ESRRB: variants seen among roughly 807,000 people sequenced by gnomAD.
ESRRB encodes estrogen related receptor beta.
A neutral mutation model predicts 46.0 loss-of-function variants in ESRRB; 16 were observed. That is an observed-to-expected ratio of 0.35 (90% CI 0.24 to 0.53). ESRRB has a LOEUF of 0.53. Among genes scored for constraint, ESRRB ranks in the 20% least tolerant of loss-of-function variants. The pLI, the probability that ESRRB is intolerant of heterozygous loss-of-function variation, is 0.93. For synonymous variants in ESRRB, 246 were observed against 259.6 expected (o/e 0.95, Z 0.50); for missense variants, 488 against 607.4 (o/e 0.80, Z 2.07).
chr14:76,434,916 G>A (rs952417287), intron 1 of ESRRB, among the ~76,000 whole-genome samples: 3 of 151,712 alleles, frequency 2.0e-5, no homozygotes, highest in Non-Finnish European at 2.9e-5. Context: ...TCTGAGCTCC[G>A]GCCTTTTCCT....
chr14:76,332,774 ATT>A (rs1491576417), intron 1 of ESRRB, among the ~76,000 whole-genome samples: 2 of 13,790 alleles, frequency 1.5e-4, no homozygotes, highest in African/African-American at 5.8e-4. Context: ...TATAATATAT[ATT>A]ATATATTATA....
chr14:76,466,916 G>T (rs1189391306), intron 3 of ESRRB, among the ~76,000 whole-genome samples: 1 of 151,834 alleles, frequency 6.6e-6, no homozygotes, highest in African/African-American at 2.4e-5. Flanking sequence ...TAGAGATGGG[G>T]TTTCACCATG....
upstream of ESRRB, among the ~76,000 whole-genome samples, chr14:76,367,705 T>A (rs1884540018): frequency 6.6e-6 from 1 of 152,122 alleles, no homozygotes. Context: ...AGAGGTGAGA[T>A]TTCACCTGAG....
At chr14:76,441,190 C>T (rs111637333) in intron 2 of ESRRB, among the ~76,000 whole-genome samples, 47 of 152,316 alleles carry the variant, frequency 3.1e-4, no homozygotes, top group African/African-American at 1.0e-3. Context: ...GTAGCTAGAA[C>T]GACAGTCGCT....
chr14:76,343,256 G>T (rs1478785080), intron 1 of ESRRB, among the ~76,000 whole-genome samples: 5 of 152,212 alleles, frequency 3.3e-5, no homozygotes, highest in Non-Finnish European at 5.9e-5. Context: ...TGTACATCCT[G>T]GCAAGGAGTT....
chr14:76,407,747 G>A (rs1886251804), intron 1 of ESRRB, among the ~76,000 whole-genome samples: 1 of 152,244 alleles, frequency 6.6e-6, no homozygotes, highest in Non-Finnish European at 1.5e-5. Flanking sequence ...TTACTGCCTG[G>A]TGACCTTGGA....
At chr14:76,484,206 C>T (rs1034104151) in intron 5 of ESRRB, among the ~76,000 whole-genome samples, 4 of 152,206 alleles carry the variant, frequency 2.6e-5, no homozygotes, top group Admixed American at 2.6e-4. Flanking sequence ...CATGTGAGAC[C>T]TTACATGCCC....
chr14:76,420,699 C>T (rs184379136), intron 1 of ESRRB, among the ~76,000 whole-genome samples: 1 of 152,004 alleles, frequency 6.6e-6, no homozygotes, highest in East Asian at 1.9e-4. Context: ...CCAAAAATTA[C>T]CTTCAATTCA....
intron 5 of ESRRB, 33 bp from the exon 6 acceptor site, chr14:76,491,414 T>G: frequency 6.2e-7 from 1 of 1,604,646 alleles, no homozygotes; most frequent in Non-Finnish European, 8.5e-7. Flanking sequence ...CCTCCTGACC[T>G]GCTGCTGCCC....
At position 76,439,382 on chromosome 14, in the gene ESRRB, C is replaced by T. The variant is rs776882354; in HGVS notation, c.92C>T (p.Ser31Phe). 13 of 1,613,576 alleles carry T rather than the reference C, an allele frequency of 8.1e-6. No homozygotes were observed. The highest frequency in any genetic ancestry group is 1.7e-5 in the Admixed American group (1 of 60,012). ...TCCTCGGACGACAGGCACCTGGGCT[C>T]CAGCTGCGGCTCCTTCATCAAGACT... ...RMSSDDRHLGSSCGSFIKTEP... is the reference protein window; with the variant it reads ...RMSSDDRHLGFSCGSFIKTEP... Residue 31 changes from serine to phenylalanine, a missense_variant, in exon 2 of 7, where the codon TCC becomes TTC. Physicochemically the swap from Ser to Phe is radical, Grantham distance 155 (BLOSUM62 -2). Transcript: ENST00000644823.
rs534831849 is a variant in ESRRB, at chr14:76,330,516, C to T, written c.2+19600C>T. 3.0e-4 allele frequency among the ~76,000 whole-genome samples: 46 copies of T among 152,312 alleles called. No homozygotes were observed. In the South Asian group the frequency reaches 9.5e-3, roughly 32 times the overall value. ...TCATGGCCGCTGGCCCTGGTTGCCC[C>T]CGCACTCTGTCCTGGTGTACTTGCC... On this transcript the variant is annotated intron_variant, in intron 1 of 6. Transcript: ENST00000512784.
At chr14:76,412,837 G>C (rs993587256) in intron 1 of ESRRB, among the ~76,000 whole-genome samples, 2 of 152,178 alleles carry the variant, frequency 1.3e-5, no homozygotes, top group Non-Finnish European at 1.5e-5. Flanking sequence ...CAGAAGGCCC[G>C]AGTTGCAGTG....
chr14:76,403,775 G>A (rs981878415), intron 1 of ESRRB, among the ~76,000 whole-genome samples: 2 of 151,910 alleles, frequency 1.3e-5, no homozygotes, highest in Non-Finnish European at 2.9e-5. Flanking sequence ...TGCCCAGGCT[G>A]GAGTGCAATG....
chr14:76,330,492 C>T (rs1198523111), intron 1 of ESRRB, among the ~76,000 whole-genome samples: 1 of 152,224 alleles, frequency 6.6e-6, no homozygotes, highest in East Asian at 1.9e-4. Context: ...AAGAGGCCAT[C>T]ATGGCCGCTG....
At chr14:76,362,740 C>A (rs554356813) in intron 1 of ESRRB, among the ~76,000 whole-genome samples, 1 of 152,266 alleles carries the variant, frequency 6.6e-6, no homozygotes, top group South Asian at 2.1e-4. Flanking sequence ...CCTAGGAGTG[C>A]CACAAAGATG....
intron 3 of ESRRB, among the ~76,000 whole-genome samples, chr14:76,473,469 C>A (rs56293844): frequency 6.6e-6 from 1 of 152,194 alleles, no homozygotes; most frequent in Non-Finnish European, 1.5e-5. Flanking sequence ...CTGTCTGAAC[C>A]TTTCCTGTTG....
At chr14:76,311,410 T>G (rs941953019) in intron 1 of ESRRB, among the ~76,000 whole-genome samples, 3 of 152,082 alleles carry the variant, frequency 2.0e-5, no homozygotes, top group Admixed American at 2.0e-4. Flanking sequence ...GAAGTTTTGG[T>G]TTCAACCTGG....
chr14:76,336,304 T>TGGAAAAG (rs57685131), intron 1 of ESRRB, among the ~76,000 whole-genome samples: 1 of 151,500 alleles, frequency 6.6e-6, no homozygotes, highest in Non-Finnish European at 1.5e-5. Flanking sequence ...GGCTCAGCGA[T>TGGAAAAG]GACTGGCCCA....
chr14:76,326,754 G>T (rs569245973), intron 1 of ESRRB, among the ~76,000 whole-genome samples: 1 of 152,356 alleles, frequency 6.6e-6, no homozygotes, highest in South Asian at 2.1e-4. Context: ...CCAATTTCAG[G>T]ACCCAGTTGC....
Sources: gnomAD v4.1 joint callset for allele counts (sites outside exome capture counted in the v4.1 genomes callset) on GRCh38, gnomAD v4.1.1 for gene constraint, MANE v1.5 for transcripts, NCBI Gene and HGNC (gene_info 2026-07-23, HGNC 2026-07-21) for gene names.